The following PRKG1 variants were observed in gnomAD, a reference collection of about 807,000 sequenced individuals.
PRKG1 encodes the protein protein kinase cGMP-dependent 1.
Under a neutral mutation model 88.1 loss-of-function variants are expected in PRKG1, and 35 were observed. The observed-to-expected ratio is 0.40, with a 90% confidence interval of 0.30 to 0.53. PRKG1 has a LOEUF of 0.53. Among genes scored for constraint, PRKG1 ranks in the 20% least tolerant of loss-of-function variants. The pLI is 0.59. For missense variants in PRKG1, 540 were observed against 839.8 expected (o/e 0.64, Z 4.41); for synonymous variants, 303 against 292.5 (o/e 1.04, Z -0.37).
intron 3 of PRKG1, among the ~76,000 whole-genome samples, chr10:51,627,811 T>A (rs1839373894): frequency 6.6e-6 from 1 of 151,928 alleles, no homozygotes; most frequent in Non-Finnish European, 1.5e-5. Context: ...GGTAGAATGG[T>A]AGCTGAAAGT....
At chr10:51,148,907 T>C (rs1845999706) in intron 1 of PRKG1, among the ~76,000 whole-genome samples, 1 of 152,120 alleles carries the variant, frequency 6.6e-6, no homozygotes, top group Non-Finnish European at 1.5e-5. Flanking sequence ...CATACCCCTT[T>C]TTATAGTCCT....
chr10:51,688,232 G>A (rs1404837073), intron 3 of PRKG1, among the ~76,000 whole-genome samples: 1 of 152,026 alleles, frequency 6.6e-6, no homozygotes, highest in Non-Finnish European at 1.5e-5. Context: ...GATTCAGCAG[G>A]TCTGGGTGGG....
chr10:51,166,403 A>G (rs1846542704), intron 2 of PRKG1, among the ~76,000 whole-genome samples: 1 of 152,182 alleles, frequency 6.6e-6, no homozygotes, highest in Non-Finnish European at 1.5e-5. Flanking sequence ...GGTTGGTGGT[A>G]TAGCATGTAA....
chr10:52,162,021 C>A lies in PRKG1; in HGVS notation c.1076+58C>A, dbSNP rs897799827. On this transcript the variant is annotated intron_variant, in intron 9 of 17. Transcript: ENST00000373980. ...AAATGATTTTGAATAGAAATAAGAT[C>A]AAATATTTTGTTGGACTTGACACAT... is the stretch of plus-strand genomic sequence containing the variant. 3.5e-5 allele frequency: 51 copies of A among 1,472,102 alleles called. No individual in the cohort carries two copies. The African/African-American group carries it at 5.3e-4, about 15-fold the overall frequency. 91.2% of individuals were successfully genotyped at this position (1,472,102 alleles called of 1,614,324 possible).
chr10:51,403,892 T>C (rs903424576), intron 2 of PRKG1, among the ~76,000 whole-genome samples: 7 of 152,202 alleles, frequency 4.6e-5, no homozygotes, highest in Admixed American at 4.6e-4. Context: ...AGTTGAAGTA[T>C]TTTGAAAGTG....
At chr10:52,161,724 T>C (rs1029473775) in intron 8 of PRKG1, among the ~76,000 whole-genome samples, 165 bp from the exon 9 acceptor site, 16 of 152,120 alleles carry the variant, frequency 1.1e-4, no homozygotes, top group African/African-American at 3.6e-4. Context: ...GTTTATATTC[T>C]AGTCAGGAAA....
intron 5 of PRKG1, among the ~76,000 whole-genome samples, chr10:52,043,192 C>G (rs1037800470): frequency 6.6e-6 from 1 of 151,978 alleles, no homozygotes; most frequent in Non-Finnish European, 1.5e-5. Context: ...TAGAGCTGTC[C>G]TATGATTCAG....
chr10:51,167,742 GTTT>G (rs771188647), intron 2 of PRKG1, among the ~76,000 whole-genome samples: 1 of 152,124 alleles, frequency 6.6e-6, no homozygotes, highest in Non-Finnish European at 1.5e-5. Context: ...TGACTTGTAT[GTTT>G]TTATGTAATT....
At chr10:51,816,024 G>A (rs559123257) in intron 4 of PRKG1, among the ~76,000 whole-genome samples, 26 of 152,244 alleles carry the variant, frequency 1.7e-4, no homozygotes, top group African/African-American at 5.8e-4. Context: ...GCTGGCACCT[G>A]CCTCCTTACA....
In PRKG1 at chr10:52,150,186, T is replaced by TA. The variant is rs1554810295; in HGVS notation, c.1002-11703_1002-11702insA. Among the ~76,000 whole-genome samples the TA allele has an allele frequency of 2.1e-4, 22 of 102,350 alleles. No individual in the cohort carries two copies. The South Asian group carries it at 4.9e-3, about 23-fold the overall frequency. The allele number at this position is 102,350 out of a possible 152,430, so 67.1% of individuals were successfully genotyped here. ...TAATAATAATAATAATAATAATAAT[T>TA]TGATTGGCCATAAGGGCAGGATTTG... On this transcript the variant is annotated intron_variant, in intron 8 of 17. Transcript: ENST00000373980.
chr10:51,819,426 G>A (rs1286502752), intron 4 of PRKG1, among the ~76,000 whole-genome samples: 1 of 152,110 alleles, frequency 6.6e-6, no homozygotes, highest in Non-Finnish European at 1.5e-5. Context: ...ACAAGTCTTA[G>A]AGGGGACAAA....
intron 3 of PRKG1, among the ~76,000 whole-genome samples, chr10:51,720,223 C>A (rs1449939482): frequency 2.6e-5 from 4 of 152,290 alleles, no homozygotes; most frequent in Non-Finnish European, 2.9e-5. Context: ...ACCTACAGGA[C>A]CTTCCATAAT....
At chr10:51,842,673 T>G (rs1463880506) in intron 4 of PRKG1, among the ~76,000 whole-genome samples, 1 of 152,210 alleles carries the variant, frequency 6.6e-6, no homozygotes, top group African/African-American at 2.4e-5. Flanking sequence ...TATGTGTGTA[T>G]GTATGTGCAT....
At position 51,804,583 on chromosome 10, in the gene PRKG1, A is replaced by T; in HGVS notation, c.593-2A>T. 3 of 1,569,440 alleles carry T rather than the reference A, an allele frequency of 1.9e-6. No homozygotes were observed. The highest frequency in any genetic ancestry group is 1.1e-5 in the South Asian group (1 of 89,850). On this transcript the variant is annotated splice_acceptor_variant, in intron 3 of 17. Transcript: ENST00000373980. LOFTEE classifies it high-confidence loss of function. ...GTTTGTTTCTCTTTTATTTTTCTCC[A>T]GCTCTTGTAAATGTAAAACTCTGGG...
chr10:51,136,316 T>G (rs1845685044), intron 1 of PRKG1, among the ~76,000 whole-genome samples: 1 of 152,030 alleles, frequency 6.6e-6, no homozygotes, highest in African/African-American at 2.4e-5. Flanking sequence ...GGGACTTCGG[T>G]GAGCTTCAGG....
At chr10:52,252,743 T>C (rs902563046) in intron 10 of PRKG1, 1 of 152,050 alleles carries the variant, frequency 6.6e-6, no homozygotes, top group Non-Finnish European at 1.5e-5. Flanking sequence ...ATTGGTATTA[T>C]GCTTCCCTTA....
At chr10:51,824,977 C>G (rs2339859) in intron 4 of PRKG1, among the ~76,000 whole-genome samples, 31,896 of 152,038 alleles carry the variant, frequency 0.21, 5,377 homozygotes, top group African/African-American at 0.47. Flanking sequence ...AATTTGAGTA[C>G]CAGTTATAAT....
chr10:51,250,852 C>T (rs1221756884), intron 2 of PRKG1, among the ~76,000 whole-genome samples: 3 of 151,068 alleles, frequency 2.0e-5, no homozygotes, highest in Non-Finnish European at 4.4e-5. Flanking sequence ...TATGTGAAGC[C>T]CTCTCTATGC....
intron 1 of PRKG1, among the ~76,000 whole-genome samples, chr10:51,057,482 C>G (rs1843640945): frequency 6.6e-6 from 1 of 152,126 alleles, no homozygotes; most frequent in African/African-American, 2.4e-5. Context: ...GTTATCCTTA[C>G]AGCAGTATAA....
Sources: gnomAD v4.1 joint callset for allele counts (sites outside exome capture counted in the v4.1 genomes callset) on GRCh38, gnomAD v4.1.1 for gene constraint, MANE v1.5 for transcripts, NCBI Gene and HGNC (gene_info 2026-07-23, HGNC 2026-07-21) for gene names.